Variants in RAB6B observed in about 807,000 individuals in gnomAD.
The protein encoded by RAB6B is RAB6B, member RAS oncogene family.
RAB6B carries 7 observed loss-of-function variants against 31.2 expected under a neutral mutation model. The ratio of observed to expected loss-of-function variants is 0.22; its 90% CI spans 0.13 to 0.42. RAB6B has a LOEUF of 0.42. Among genes scored for constraint, RAB6B ranks in the 10% least tolerant of loss-of-function variants. The probability of loss-of-function intolerance (pLI) is 1.00; values close to 1 mark genes in which losing one functional copy is unlikely to be tolerated. For missense variants in RAB6B, 149 were observed against 280.6 expected (o/e 0.53, Z 3.35); for synonymous variants, 105 against 104.9 (o/e 1.00, Z -0.01).
intron 1 of RAB6B, among the ~76,000 whole-genome samples, chr3:133,874,794 C>T (rs929833382): frequency 1.5e-5 from 2 of 135,320 alleles, no homozygotes; most frequent in Non-Finnish European, 3.1e-5. Context: ...TATATGTTGT[C>T]TATTAATTTT....
chr3:133,857,771 G>C (rs902138239), intron 2 of RAB6B, among the ~76,000 whole-genome samples: 2 of 152,140 alleles, frequency 1.3e-5, no homozygotes, highest in African/African-American at 2.4e-5. Flanking sequence ...TTGTATTGAT[G>C]GCACTGATAT....
rs1003997747 is a variant in RAB6B, at chr3:133,842,669, G to A, written c.130-1006C>T. Among the ~76,000 whole-genome samples the A allele has an allele frequency of 2.0e-4, 31 of 152,266 alleles. 1 individual carries two copies. The highest frequency in any genetic ancestry group is 6.5e-5 in the Admixed American group (1 of 15,298). The stretch of plus-strand genomic sequence containing the variant: ...AACAGGTTATAAAACATCATGTGGC[G>A]AGTGATCCCAATTAGATTAACTCAA... On this transcript the variant is annotated intron_variant, in intron 2 of 7. Transcript: ENST00000285208.
chr3:133,887,679 C>T (rs986836373), intron 1 of RAB6B, among the ~76,000 whole-genome samples: 6 of 152,324 alleles, frequency 3.9e-5, no homozygotes, highest in Admixed American at 1.3e-4. Context: ...ATCCAACATA[C>T]AGCCAGCCAG....
chr3:133,893,931 C>A (rs922001607), intron 1 of RAB6B, among the ~76,000 whole-genome samples: 2 of 152,184 alleles, frequency 1.3e-5, no homozygotes, highest in African/African-American at 4.8e-5. Context: ...CGCTGGCTGG[C>A]TGAGTGGATC....
In RAB6B at chr3:133,826,415, T is replaced by G. The variant is rs1935564045; in HGVS notation, c.*2373A>C. Reference sequence around the variant, plus strand: ...GGATGTTTTTTTAAAAAAGCTAATCTTTAGTGCCAAGAAAATAAAAATCTA... The same window carrying G: ...GGATGTTTTTTTAAAAAAGCTAATCGTTAGTGCCAAGAAAATAAAAATCTA... On this transcript the variant is annotated 3_prime_UTR_variant, in exon 8 of 8. Transcript: ENST00000285208. 6.6e-6 allele frequency: 1 copy of G among 152,344 alleles called. No homozygotes were observed. Among genetic ancestry groups the G allele is most frequent in the Non-Finnish European group, 1.5e-5 (1 of 68,048 alleles). The allele number at this position is 152,344 out of a possible 1,614,324, so 9.4% of individuals were successfully genotyped here.
chr3:133,834,597 G>C lies in RAB6B; in HGVS notation c.540C>G (p.Val180=). ...TACTCCCTTCTTTGCTTTTCTCCTG[G>C]ACATTCTCCATTCCGGGTAGAGCCG... ...VASALPGMEN[V]QEKSKEGMID... The change falls in exon 7 of 8, where the codon GTC becomes GTG. Residue 180 remains valine, a synonymous_variant. Coordinates refer to ENST00000285208, the MANE Select transcript of RAB6B (RefSeq NM_016577.4). The C allele has an allele frequency of 6.2e-7, 1 of 1,613,976 alleles. No individual in the cohort carries two copies. The highest frequency in any genetic ancestry group is 8.5e-7 in the Non-Finnish European group (1 of 1,179,872).
At chr3:133,836,797 A>G (rs934685478) in intron 6 of RAB6B, among the ~76,000 whole-genome samples, 2 of 152,138 alleles carry the variant, frequency 1.3e-5, no homozygotes, top group African/African-American at 4.8e-5. Flanking sequence ...GAGTGAGTGA[A>G]GCCCTGATGA....
chr3:133,834,745 T>G, intron 6 of RAB6B, 104 bp from the exon 7 acceptor site: 1 of 1,075,978 alleles, frequency 9.3e-7, no homozygotes, highest in Non-Finnish European at 1.4e-6. Flanking sequence ...ACCTGCAGCT[T>G]TACTCTCCCA....
intron 2 of RAB6B, among the ~76,000 whole-genome samples, chr3:133,853,454 G>A (rs1936030187): frequency 6.6e-6 from 1 of 151,476 alleles, no homozygotes; most frequent in African/African-American, 2.4e-5. Context: ...CCCTTGGGAT[G>A]GGGAGCATAT....
At chr3:133,873,021 C>T (rs1196047156) in intron 1 of RAB6B, among the ~76,000 whole-genome samples, 1 of 152,172 alleles carries the variant, frequency 6.6e-6, no homozygotes, top group East Asian at 1.9e-4. Flanking sequence ...ATGCCTGACC[C>T]TCTCACTTCT....
chr3:133,841,554 G>A, intron 3 of RAB6B, 56 bp downstream of exon 3: 1 of 1,595,794 alleles, frequency 6.3e-7, no homozygotes, highest in Non-Finnish European at 8.6e-7. Context: ...GGGTCCTAGG[G>A]GATAAGCCCA....
At chr3:133,885,385 T>C (rs1158790345) in intron 1 of RAB6B, 12 of 682,552 alleles carry the variant, frequency 1.8e-5, no homozygotes, top group African/African-American at 3.7e-5. Flanking sequence ...ACACATCCAA[T>C]GGCCAGAGGA....
At chr3:133,860,775 A>G (rs962058744) in intron 2 of RAB6B, among the ~76,000 whole-genome samples, 4 of 152,190 alleles carry the variant, frequency 2.6e-5, no homozygotes, top group Non-Finnish European at 5.9e-5. Context: ...GAGCAGCTGG[A>G]TGAGCTCTGG....
intron 1 of RAB6B, among the ~76,000 whole-genome samples, chr3:133,881,977 G>T (rs773668067): frequency 1.3e-5 from 2 of 152,224 alleles, no homozygotes; most frequent in Admixed American, 6.5e-5. Context: ...TCAGGAGTCT[G>T]GACATGACTT....
At chr3:133,874,357 A>T (rs535907776) in intron 1 of RAB6B, among the ~76,000 whole-genome samples, 1 of 152,236 alleles carries the variant, frequency 6.6e-6, no homozygotes, top group African/African-American at 2.4e-5. Flanking sequence ...ATGGTACCCT[A>T]TTGCTTCTAG....
chr3:133,865,441 C>T (rs1321179541), intron 1 of RAB6B, among the ~76,000 whole-genome samples: 1 of 152,262 alleles, frequency 6.6e-6, no homozygotes, highest in African/African-American at 2.4e-5. Flanking sequence ...TGCAGCTCCC[C>T]TGGGGCCTGG....
At chr3:133,872,310 T>C (rs1002661102) in intron 1 of RAB6B, among the ~76,000 whole-genome samples, 1 of 152,246 alleles carries the variant, frequency 6.6e-6, no homozygotes, top group African/African-American at 2.4e-5. Flanking sequence ...AGGAAGGACC[T>C]GCAGAGGGAC....
chr3:133,890,518 T>C (rs1936622947), intron 1 of RAB6B, among the ~76,000 whole-genome samples: 2 of 152,106 alleles, frequency 1.3e-5, no homozygotes, highest in African/African-American at 2.4e-5. Context: ...GGCACAAGAA[T>C]TGCTTGAACC....
chr3:133,887,296 A>G (rs1212681633), intron 1 of RAB6B, among the ~76,000 whole-genome samples: 1 of 152,202 alleles, frequency 6.6e-6, no homozygotes, highest in Non-Finnish European at 1.5e-5. Flanking sequence ...AGAGCCAAGC[A>G]CATCTTCAGA....
Sources: gnomAD v4.1 joint callset for allele counts (sites outside exome capture counted in the v4.1 genomes callset) on GRCh38, gnomAD v4.1.1 for gene constraint, MANE v1.5 for transcripts, NCBI Gene and HGNC (gene_info 2026-07-23, HGNC 2026-07-21) for gene names.